CDH23: variants seen among roughly 807,000 people sequenced by gnomAD.
CDH23 encodes cadherin-23.
A neutral mutation model predicts 317.1 loss-of-function variants in CDH23; 189 were observed. The ratio of observed to expected loss-of-function variants is 0.60; its 90% CI spans 0.53 to 0.67. The LOEUF (loss-of-function observed/expected upper bound fraction) is 0.67, where lower values mean the gene tolerates loss of function less well. Ranked by LOEUF, CDH23 falls within the 30% of genes least tolerant of loss-of-function variation. CDH23 has a pLI of 0.00. For missense variants in CDH23, 4,401 were observed against 4,592.4 expected, an observed-to-expected ratio of 0.96 and a Z score of 1.20; for synonymous variants, 1,839 against 1,876.8, an observed-to-expected ratio of 0.98 and a Z score of 0.52.
At chr10:71,813,948 G>A (rs1452624866) in intron 69 of CDH23, among the ~76,000 whole-genome samples, 1 of 152,138 alleles carries the variant, frequency 6.6e-6, no homozygotes, top group Non-Finnish European at 1.5e-5. Context: ...GGGTCAAATA[G>A]GCCTACATAT....
intron 6 of CDH23, among the ~76,000 whole-genome samples, chr10:71,563,412 A>C (rs926939480): frequency 1.4e-5 from 2 of 146,834 alleles, no homozygotes; most frequent in Admixed American, 1.4e-4. Context: ...ACAGGCTCTC[A>C]AGCCCATTGT....
At chr10:71,785,604 T>C (rs1841081497) in intron 43 of CDH23, 27 bp from the exon 44 acceptor site, 2 of 1,444,600 alleles carry the variant, frequency 1.4e-6, no homozygotes, top group Non-Finnish European at 1.9e-6. Context: ...AAGGTCTCCA[T>C]GCAGCTCACC....
At position 71,746,058 on chromosome 10, in the gene CDH23, C is replaced by A. The variant is rs1839846950; in HGVS notation, c.4845+4137C>A. ...CACCAAGTATGTGTTATGTGTGAGG[C>A]CTGTAGTACAGGCTAGGACACCAGA... On this transcript the variant is annotated intron_variant, in intron 38 of 69. Coordinates refer to ENST00000224721, the MANE Select transcript of CDH23 (RefSeq NM_022124.6). Among the ~76,000 whole-genome samples the A allele has an allele frequency of 2.6e-5, 4 of 152,182 alleles. No homozygotes were observed. In the South Asian group the frequency reaches 8.3e-4, roughly 31 times the overall value.
In CDH23 at chr10:71,517,105, C is replaced by T. The variant is rs1436426267; in HGVS notation, c.429+5893C>T. ...TTCACAAATGCAGACAGCCATGCGG[C>T]TCCCTCTGCCTCTTGGGCGGTGTGA... On this transcript the variant is annotated intron_variant, in intron 6 of 69. Transcript: ENST00000224721. 2.0e-5 allele frequency among the ~76,000 whole-genome samples: 3 copies of T among 152,234 alleles called. No individual in the cohort carries two copies. In the East Asian group the frequency reaches 5.8e-4, roughly 29 times the overall value.
Position 71,704,919 on chromosome 10 carries a change from C to T in CDH23, c.2742C>T (p.Ala914=), listed in dbSNP as rs768845897. 2.5e-6 allele frequency: 4 copies of T among 1,612,304 alleles called. No homozygotes were observed. The highest frequency in any genetic ancestry group is 2.2e-5 in the South Asian group (2 of 91,066). Residue 914 remains alanine (A), a synonymous_variant, in exon 25 of 70, where the codon GCC becomes GCT. Coordinates refer to ENST00000224721, the MANE Select transcript of CDH23 (RefSeq NM_022124.6). ...CCCCTCCTTGCCCTCAGGTGGTGGC[C>T]ATCGACCTCGATGAGGGCCTGAACG... ...PAGVSIYQVV[A]IDLDEGLNGL...
rs539787282 is a variant in CDH23 at position 71,408,295 on chromosome 10, C to A, written c.-6+10977C>A. Among the ~76,000 whole-genome samples the A allele has an allele frequency of 5.9e-5, 9 of 152,230 alleles. No homozygotes were observed. In the South Asian group the frequency reaches 1.7e-3, roughly 28 times the overall value. ...GAAGTAGACAAAGCATGGCCCTTGT[C>A]CCCCATGAGCTCTCACACTTATTCA... On this transcript the variant is annotated intron_variant, in intron 1 of 69. Coordinates refer to ENST00000224721, the MANE Select transcript of CDH23 (RefSeq NM_022124.6).
intron 11 of CDH23, among the ~76,000 whole-genome samples, chr10:71,634,941 G>C (rs566186499): frequency 1.4e-4 from 22 of 152,350 alleles, no homozygotes; most frequent in Admixed American, 2.6e-4. Flanking sequence ...TACCCTCTGG[G>C]CTGACTGCTC....
chr10:71,622,206 CTATAATGTATA>C, intron 11 of CDH23, among the ~76,000 whole-genome samples: 2 of 152,236 alleles, frequency 1.3e-5, no homozygotes, highest in South Asian at 4.2e-4. Flanking sequence ...ACCTGGAGTC[CTATAATGTATA>C]TATCCTTAAA....
chr10:71,420,549 T>TGGTGATGGTGATGGTG (rs1285573654), intron 1 of CDH23, among the ~76,000 whole-genome samples: 18 of 8,418 alleles, frequency 2.1e-3, no homozygotes, highest in African/African-American at 4.6e-3. Flanking sequence ...ATGATGGTGA[T>TGGTGATGGTGATGGTG]ATGATGATGG....
intron 24 of CDH23, among the ~76,000 whole-genome samples, chr10:71,704,374 C>G (rs950009279): frequency 6.6e-6 from 1 of 152,138 alleles, no homozygotes; most frequent in Admixed American, 6.5e-5. Flanking sequence ...CTTGCCTGTG[C>G]ATGGCCACAA....
At chr10:71,446,933 A>G (rs374976381) in intron 3 of CDH23, among the ~76,000 whole-genome samples, 14 of 152,288 alleles carry the variant, frequency 9.2e-5, no homozygotes, top group African/African-American at 2.9e-4. Flanking sequence ...AGGACCCAGA[A>G]GCTTCTCAGG....
intron 6 of CDH23, among the ~76,000 whole-genome samples, chr10:71,551,790 G>A (rs1236481602): frequency 1.3e-5 from 2 of 152,126 alleles, no homozygotes; most frequent in Non-Finnish European, 2.9e-5. Flanking sequence ...CTTGGTCTCC[G>A]AGACACAATA....
intron 6 of CDH23, among the ~76,000 whole-genome samples, chr10:71,551,328 G>A (rs577765912): frequency 2.6e-5 from 4 of 152,268 alleles, no homozygotes; most frequent in African/African-American, 9.6e-5. Context: ...CCACTTCCTG[G>A]GGGAAGGTCA....
At chr10:71,510,312 C>A in intron 4 of CDH23, 88 bp downstream of exon 4, 1 of 1,475,906 alleles carries the variant, frequency 6.8e-7, no homozygotes. Context: ...CTTTTGGCGT[C>A]TTCCTCTAAG....
At chr10:71,533,569 A>G (rs940224284) in intron 6 of CDH23, among the ~76,000 whole-genome samples, 2 of 109,500 alleles carry the variant, frequency 1.8e-5, no homozygotes, top group Non-Finnish European at 2.1e-5. Context: ...ACACACACAC[A>G]CTGGCTGGGG....
At chr10:71,813,100 T>C (rs1340667398) in intron 68 of CDH23, 144 bp from the exon 69 acceptor site, 4 of 1,096,754 alleles carry the variant, frequency 3.6e-6, no homozygotes, top group Non-Finnish European at 5.3e-6. Context: ...GGCTGGCCAC[T>C]GTCTCCAGGC....
chr10:71,653,900 G>A (rs1226648557), intron 14 of CDH23, among the ~76,000 whole-genome samples: 2 of 152,200 alleles, frequency 1.3e-5, no homozygotes, highest in African/African-American at 4.8e-5. Context: ...TGTCTTATCT[G>A]GGAGTCGGTG....
chr10:71,453,849 C>G (rs1214498896), intron 3 of CDH23, among the ~76,000 whole-genome samples: 1 of 152,194 alleles, frequency 6.6e-6, no homozygotes, highest in Non-Finnish European at 1.5e-5. Flanking sequence ...CGGACATCAG[C>G]TGGGTGTGTG....
chr10:71,761,217 T>C (rs558697325), intron 38 of CDH23, among the ~76,000 whole-genome samples: 2 of 152,054 alleles, frequency 1.3e-5, no homozygotes, highest in Non-Finnish European at 2.9e-5. Flanking sequence ...CACACACGCA[T>C]ATATTCTCCA....
Sources: gnomAD v4.1 joint callset for allele counts (sites outside exome capture counted in the v4.1 genomes callset) on GRCh38, gnomAD v4.1.1 for gene constraint, MANE v1.5 for transcripts, NCBI Gene and HGNC (gene_info 2026-07-23, HGNC 2026-07-21) for gene names.